Variants in HEPHL1 observed in about 807,000 individuals in gnomAD.
The protein encoded by HEPHL1 is hephaestin like 1, also known as ferroxidase HEPHL1.
In HEPHL1, 123 loss-of-function variants were observed where a neutral mutation model predicts 122.0. The ratio of observed to expected loss-of-function variants is 1.01; its 90% CI spans 0.87 to 1.17. HEPHL1 has a LOEUF of 1.17. HEPHL1 is among the 50% of genes most tolerant of loss of function. The pLI, the probability that HEPHL1 is intolerant of heterozygous loss-of-function variation, is 0.00. For missense variants in HEPHL1, 1,452 were observed against 1,430.5 expected (o/e 1.01, Z -0.24); for synonymous variants, 527 against 508.9 (o/e 1.04, Z -0.48).
At chr11:94,055,810 T>G in intron 2 of HEPHL1, 1 of 439,134 alleles carries the variant, frequency 2.3e-6, no homozygotes. Flanking sequence ...GATGAGAAAA[T>G]GAGTTCCTTT....
intron 15 of HEPHL1, among the ~76,000 whole-genome samples, chr11:94,103,874 A>T (rs1278583590): frequency 6.6e-6 from 1 of 152,238 alleles, no homozygotes; most frequent in African/African-American, 2.4e-5. Flanking sequence ...TATGAGAATT[A>T]TGGGAAAATC....
intron 17 of HEPHL1, among the ~76,000 whole-genome samples, chr11:94,106,796 C>T (rs1286178778): frequency 1.3e-5 from 2 of 152,152 alleles, no homozygotes; most frequent in African/African-American, 4.8e-5. Context: ...CTTTCCTTCT[C>T]CCCACCCTTT....
Position 94,112,175 on chromosome 11 carries a change from T to G in HEPHL1, c.*281T>G. ...CTATTCTTTGGTTGGATTCACTGAA[T>G]AGGAGACACTCTGAAAGATATCTTT... is the stretch of plus-strand genomic sequence containing the variant. On this transcript the variant is annotated 3_prime_UTR_variant, in exon 20 of 20. Coordinates refer to ENST00000315765, the MANE Select transcript of HEPHL1 (RefSeq NM_001098672.2). The G allele has an allele frequency of 3.4e-6, 1 of 293,450 alleles. No individual in the cohort carries two copies. The highest frequency in any genetic ancestry group is 5.0e-5 in the Admixed American group (1 of 20,134). 18.2% of individuals were successfully genotyped at this position (293,450 alleles called of 1,614,324 possible).
At position 94,103,040 on chromosome 11, in the gene HEPHL1, C is replaced by A; in HGVS notation, c.2682+20C>A. On this transcript the variant is annotated intron_variant, in intron 15 of 19. Transcript: ENST00000315765. ...GTGAAGGTAAGGTGGAGAAAGCAAC[C>A]AAAAGGCTTAAAATAATTTGGATGA... The A allele has an allele frequency of 7.4e-7, 1 of 1,349,226 alleles. No homozygotes were observed. Among genetic ancestry groups the A allele is most frequent in the Non-Finnish European group, 1.1e-6 (1 of 939,420 alleles). The allele number at this position is 1,349,226 out of a possible 1,614,324, so 83.6% of individuals were successfully genotyped here. A position where few individuals can be genotyped will look rare whatever the true frequency, so the allele number is the denominator to read the frequency against.
At chr11:94,077,215 G>A (rs778092480) in intron 9 of HEPHL1, among the ~76,000 whole-genome samples, 1 of 152,064 alleles carries the variant, frequency 6.6e-6, no homozygotes, top group African/African-American at 2.4e-5. Flanking sequence ...GAAAATTAAC[G>A]TTGACATTAT....
rs537292351 is a variant in HEPHL1, at chr11:94,080,798, C to G, written c.1717-1620C>G. Among the ~76,000 whole-genome samples, 3 of 152,288 alleles carry G rather than the reference C, an allele frequency of 2.0e-5. No homozygotes were observed. In the South Asian group the frequency reaches 6.2e-4, roughly 32 times the overall value. ...TTAAAAAGTCGAGAAATGGCAGATG[C>G]TGGCAAGGCTGTGGAGAAATAGGAA... On this transcript the variant is annotated intron_variant, in intron 9 of 19. Transcript: ENST00000315765.
At chr11:94,058,477 A>G (rs1945958953) in intron 2 of HEPHL1, among the ~76,000 whole-genome samples, 1 of 152,244 alleles carries the variant, frequency 6.6e-6, no homozygotes. Flanking sequence ...AGAAGAGTAA[A>G]TATACAGTTG....
chr11:94,099,299 A>G (rs1413030273), intron 13 of HEPHL1, among the ~76,000 whole-genome samples: 3 of 152,208 alleles, frequency 2.0e-5, no homozygotes, highest in Non-Finnish European at 2.9e-5. Context: ...GTTTGCCTGG[A>G]TATCAGCAGC....
At chr11:94,056,633 C>T (rs1227867028) in intron 2 of HEPHL1, among the ~76,000 whole-genome samples, 1 of 81,062 alleles carries the variant, frequency 1.2e-5, no homozygotes, top group Non-Finnish European at 2.6e-5. Flanking sequence ...TCCATTCTCT[C>T]CCCCTCCTTT....
intron 2 of HEPHL1, among the ~76,000 whole-genome samples, chr11:94,048,236 A>T (rs1945857984): frequency 6.6e-6 from 1 of 152,172 alleles, no homozygotes. Context: ...TCATCTGTTG[A>T]TGAATGCTTT....
intron 1 of HEPHL1, among the ~76,000 whole-genome samples, chr11:94,031,600 C>T (rs778114470): frequency 5.9e-5 from 9 of 152,178 alleles, no homozygotes; most frequent in Non-Finnish European, 1.2e-4. Flanking sequence ...CTCTCTTGAT[C>T]ACATTGTTTG....
intron 13 of HEPHL1, among the ~76,000 whole-genome samples, chr11:94,099,772 A>T (rs956786821): frequency 1.3e-5 from 2 of 152,130 alleles, no homozygotes; most frequent in Non-Finnish European, 2.9e-5. Context: ...CTGCTGTGCT[A>T]GCAATGAGTG....
At chr11:94,097,526 A>T (rs937891215) in intron 13 of HEPHL1, among the ~76,000 whole-genome samples, 4 of 152,168 alleles carry the variant, frequency 2.6e-5, no homozygotes, top group Non-Finnish European at 4.4e-5. Context: ...GTAGGTGTCT[A>T]TCAGCTCTGC....
chr11:94,025,572 A>G (rs1945617611), intron 1 of HEPHL1, among the ~76,000 whole-genome samples: 1 of 152,152 alleles, frequency 6.6e-6, no homozygotes, highest in South Asian at 2.1e-4. Flanking sequence ...GCGCTTGAAC[A>G]TAAGTGAGGC....
At chr11:94,072,148 A>G (rs1946078915) in intron 6 of HEPHL1, among the ~76,000 whole-genome samples, 1 of 152,096 alleles carries the variant, frequency 6.6e-6, no homozygotes, top group Admixed American at 6.6e-5. Context: ...ATTTGTAATC[A>G]CGGTCTTGGC....
In HEPHL1 at chr11:94,035,989, G is replaced by C. The variant is rs553395309; in HGVS notation, c.171-9684G>C. Among the ~76,000 whole-genome samples, 6 of 152,292 alleles carry C rather than the reference G, an allele frequency of 3.9e-5. No individual in the cohort carries two copies. The South Asian group carries it at 1.2e-3, about 32-fold the overall frequency. ...CTGACCTCGTGATCCGCCCGCCTCG[G>C]CCTCCCAAAGTGCTGGGATTACAGG... On this transcript the variant is annotated intron_variant, in intron 1 of 19. Coordinates refer to ENST00000315765, the MANE Select transcript of HEPHL1 (RefSeq NM_001098672.2).
At chr11:94,027,386 C>T (rs923288201) in intron 1 of HEPHL1, among the ~76,000 whole-genome samples, 7 of 152,228 alleles carry the variant, frequency 4.6e-5, no homozygotes, top group African/African-American at 1.7e-4. Context: ...GTGCCTGCCA[C>T]TTGAGAGCAC....
At chr11:94,073,508 T>C in intron 8 of HEPHL1, 69 bp downstream of exon 8, 1 of 1,465,730 alleles carries the variant, frequency 6.8e-7, no homozygotes, top group Non-Finnish European at 9.3e-7. Context: ...TAAACAGTCC[T>C]GGTTCAAATC....
At chr11:94,024,403 TG>T (rs1945606528) in intron 1 of HEPHL1, among the ~76,000 whole-genome samples, 1 of 152,160 alleles carries the variant, frequency 6.6e-6, no homozygotes, top group Admixed American at 6.5e-5. Context: ...ATTTTGAAAC[TG>T]AATGAAAAAT....
Sources: allele counts gnomAD v4.1 joint callset (sites outside exome capture counted in the v4.1 genomes callset), GRCh38; gene constraint gnomAD v4.1.1; transcripts MANE v1.5; gene names NCBI Gene and HGNC (gene_info 2026-07-23, HGNC 2026-07-21).